TRIP11: variants seen among roughly 807,000 people sequenced by gnomAD.
The protein encoded by TRIP11 is thyroid hormone receptor interactor 11, also known as thyroid receptor-interacting protein 11.
TRIP11 carries 148 observed loss-of-function variants against 223.1 expected under a neutral mutation model. That is an observed-to-expected ratio of 0.66 (90% CI 0.58 to 0.76). The LOEUF is 0.76. TRIP11 is among the 30% of genes least tolerant of loss of function. The pLI, the probability that TRIP11 is intolerant of heterozygous loss-of-function variation, is 0.00. For synonymous variants in TRIP11, 762 were observed against 772.6 expected (o/e 0.99, Z 0.23); for missense variants, 2,043 against 2,222.0 (o/e 0.92, Z 1.62).
At position 91,995,482 on chromosome 14, in the gene TRIP11, T is replaced by C. The variant is rs1436239158; in HGVS notation, c.4926A>G (p.Gln1642=). The change falls in exon 14 of 21, where the codon CAA becomes CAG. Residue 1642 remains glutamine (Q), a synonymous_variant. Transcript: ENST00000267622. The part of the protein sequence containing the change: ...HQASVQVESL[Q]EQLNVVSKQR... ...GCTTGGAAACTACATTCAACTGTTC[T>C]TGCAATGACTCTACCTGCACACTGG... 1 of 1,614,156 alleles carries C rather than the reference T, an allele frequency of 6.2e-7. No homozygotes were observed. Among genetic ancestry groups the C allele is most frequent in the Non-Finnish European group, 8.5e-7 (1 of 1,180,022 alleles).
chr14:91,986,110 T>C (rs905146029), intron 16 of TRIP11, among the ~76,000 whole-genome samples: 6 of 152,194 alleles, frequency 3.9e-5, no homozygotes, highest in African/African-American at 1.2e-4. Flanking sequence ...TATACAAGCA[T>C]AATCAGAGCT....
intron 20 of TRIP11, among the ~76,000 whole-genome samples, chr14:91,971,795 G>A (rs74071659): frequency 0.013 from 2,017 of 152,260 alleles, 30 homozygotes; most frequent in African/African-American, 0.045. Flanking sequence ...CTAAAGGACT[G>A]ATAAATTTTA....
In TRIP11 at chr14:91,966,450, T is replaced by C. The variant is rs2056343091; in HGVS notation, c.*3223A>G. 2 of 192,050 alleles carry C rather than the reference T, an allele frequency of 1.0e-5. No homozygotes were observed. The highest frequency in any genetic ancestry group is 2.2e-5 in the Non-Finnish European group (2 of 91,942). The allele number at this position is 192,050 out of a possible 1,614,324, so 11.9% of individuals were successfully genotyped here. On this transcript the variant is annotated 3_prime_UTR_variant, in exon 21 of 21. Transcript: ENST00000267622. ...ATCTTTAAATATCAGGTCCAAATGCTTTTAAGTTTGATGGATAATAGTGTT... is the reference window on the plus strand; with the variant it reads ...ATCTTTAAATATCAGGTCCAAATGCCTTTAAGTTTGATGGATAATAGTGTT...
At chr14:91,973,957 G>T (rs1469549522) in intron 19 of TRIP11, among the ~76,000 whole-genome samples, 1 of 152,242 alleles carries the variant, frequency 6.6e-6, no homozygotes, top group Non-Finnish European at 1.5e-5. Context: ...GAACCCAGGA[G>T]GCTGAGGCTG....
chr14:92,021,686 T>C lies in TRIP11; in HGVS notation c.458A>G (p.His153Arg). 1 of 1,614,198 alleles carries C rather than the reference T, an allele frequency of 6.2e-7. No homozygotes were observed. The highest frequency in any genetic ancestry group is 8.5e-7 in the Non-Finnish European group (1 of 1,180,036). The change falls in exon 4 of 21, where the codon CAT becomes CGT. Residue 153 changes from histidine to arginine, a missense_variant. Physicochemically the swap from His to Arg is conservative, Grantham distance 29. Coordinates refer to ENST00000267622, the MANE Select transcript of TRIP11 (RefSeq NM_004239.4). ...SSSFAYGISH[H>R]PSAFHDDDMD... ...GTCATCGTCATGGAAAGCTGAAGGA[T>C]GATGACTAATCCCATAAGCGAATGA... is the stretch of plus-strand genomic sequence containing the variant.
At chr14:91,977,903 A>G (rs1044886184) in intron 16 of TRIP11, among the ~76,000 whole-genome samples, 1 of 152,192 alleles carries the variant, frequency 6.6e-6, no homozygotes, top group African/African-American at 2.4e-5. Context: ...CATTCATATA[A>G]TAGGCCAATT....
chr14:91,982,901 T>C (rs1359744398), intron 16 of TRIP11, among the ~76,000 whole-genome samples: 1 of 152,094 alleles, frequency 6.6e-6, no homozygotes, highest in Non-Finnish European at 1.5e-5. Context: ...TACCTCCACC[T>C]TTTCAGCACT....
chr14:92,017,565 A>C, intron 5 of TRIP11, 117 bp downstream of exon 5: 1 of 799,570 alleles, frequency 1.3e-6, no homozygotes, highest in Non-Finnish European at 2.0e-6. Flanking sequence ...AAGAAGTACC[A>C]TAATCTATAT....
At position 91,978,303 on chromosome 14, in the gene TRIP11, C is replaced by A. The variant is rs546839729; in HGVS notation, c.5261-2114G>T. Among the ~76,000 whole-genome samples, 77 of 152,236 alleles carry A rather than the reference C, an allele frequency of 5.1e-4. No individual in the cohort carries two copies. The highest frequency in any genetic ancestry group is 1.8e-3 in the African/African-American group (75 of 41,544). Reference sequence around the variant, plus strand: ...GTAAAGATGGGCATGGTCTTCTCCTCCTTCCTCCTCCATTCCTCCCCAAGG... The same window carrying A: ...GTAAAGATGGGCATGGTCTTCTCCTACTTCCTCCTCCATTCCTCCCCAAGG... On this transcript the variant is annotated intron_variant, in intron 16 of 20. Coordinates refer to ENST00000267622, the MANE Select transcript of TRIP11 (RefSeq NM_004239.4). The surrounding 1 kb of genome is among the most constrained non-coding windows in gnomAD (Gnocchi z 4.4).
At chr14:92,027,209 C>T (rs754509183) in intron 2 of TRIP11, among the ~76,000 whole-genome samples, 5 of 151,360 alleles carry the variant, frequency 3.3e-5, no homozygotes, top group South Asian at 2.1e-4. Context: ...TTAATGATCT[C>T]GGATGACCAA....
Position 92,037,924 on chromosome 14 carries a change from C to A in TRIP11, c.139+1623G>T, listed in dbSNP as rs2235978. 0.29 allele frequency among the ~76,000 whole-genome samples: 43,750 copies of A among 151,980 alleles called. 6,722 individuals carry two copies. The highest frequency in any genetic ancestry group is 0.4 in the African/African-American group (16,544 of 41,438). ...CTGTAACAGGGTCAAGAAATTTTTACGCAGGTTTGTTTTTAGAAAGTAACT... is the reference window on the plus strand; with the variant it reads ...CTGTAACAGGGTCAAGAAATTTTTAAGCAGGTTTGTTTTTAGAAAGTAACT... On this transcript the variant is annotated intron_variant, in intron 1 of 20. Coordinates refer to ENST00000267622, the MANE Select transcript of TRIP11 (RefSeq NM_004239.4). The surrounding 1 kb of genome is among the most constrained non-coding windows in gnomAD (Gnocchi z 4.2).
At chr14:92,011,903 T>C (rs1428194400) in intron 7 of TRIP11, 108 bp from the exon 8 acceptor site, 1 of 919,206 alleles carries the variant, frequency 1.1e-6, no homozygotes, top group Non-Finnish European at 1.7e-6. Context: ...TAAGCACCAC[T>C]GGCAAGCAGT....
chr14:91,970,470 C>T (rs962256052), intron 20 of TRIP11, among the ~76,000 whole-genome samples: 11 of 151,882 alleles, frequency 7.2e-5, no homozygotes, highest in African/African-American at 2.7e-4. Context: ...GCCTCAATTC[C>T]TAAACACAAA....
intron 20 of TRIP11, among the ~76,000 whole-genome samples, chr14:91,972,163 G>A (rs10132128): frequency 0.012 from 1,852 of 152,214 alleles, 39 homozygotes; most frequent in African/African-American, 0.041. Context: ...ACCACCAACC[G>A]TCCGCTCTAG....
intron 3 of TRIP11, among the ~76,000 whole-genome samples, chr14:92,024,417 A>G (rs1377759446): frequency 6.6e-6 from 1 of 151,782 alleles, no homozygotes; most frequent in African/African-American, 2.4e-5. Flanking sequence ...TGCCTTTTTT[A>G]GTATTCATTT....
chr14:92,015,663 A>AAAT lies in TRIP11; in HGVS notation c.823+30_823+32dup, dbSNP rs540931279. ...ACAGATGGAGACTCCATCTCAAAAA[A>AAAT]AATAATAATAATAAAGAAATAAAAC... On this transcript the variant is annotated intron_variant, in intron 6 of 20. Coordinates refer to ENST00000267622, the MANE Select transcript of TRIP11 (RefSeq NM_004239.4). 174 of 1,538,296 alleles carry AAAT rather than the reference A, an allele frequency of 1.1e-4. 3 individuals are homozygous for AAAT. In the South Asian group the frequency reaches 2.0e-3, roughly 17 times the overall value.
intron 16 of TRIP11, among the ~76,000 whole-genome samples, chr14:91,980,685 C>T (rs2056526873): frequency 6.6e-6 from 1 of 151,932 alleles, no homozygotes; most frequent in African/African-American, 2.4e-5. Flanking sequence ...GAGGTTTTCC[C>T]CCCTCCATTT....
chr14:91,993,468 C>A (rs2056706332), intron 15 of TRIP11, among the ~76,000 whole-genome samples: 1 of 123,412 alleles, frequency 8.1e-6, no homozygotes, highest in Non-Finnish European at 1.6e-5. Context: ...AAGAGTGAAA[C>A]TCGGTCTCAA....
At chr14:91,981,849 T>C (rs776522520) in intron 16 of TRIP11, among the ~76,000 whole-genome samples, 5 of 152,110 alleles carry the variant, frequency 3.3e-5, no homozygotes, top group Non-Finnish European at 7.3e-5. Flanking sequence ...CAGTTGCTCA[T>C]GCCTCTTGTA....
Sources: allele counts gnomAD v4.1 joint callset (sites outside exome capture counted in the v4.1 genomes callset), GRCh38; gene constraint gnomAD v4.1.1; non-coding constraint Gnocchi (gnomAD v3.1); transcripts MANE v1.5; gene names NCBI Gene and HGNC (gene_info 2026-07-23, HGNC 2026-07-21).